Variants in RICTOR observed in about 807,000 individuals in gnomAD.
The protein encoded by RICTOR is rapamycin-insensitive companion of mTOR.
A neutral mutation model predicts 214.9 loss-of-function variants in RICTOR; 49 were observed. The observed-to-expected ratio is 0.23, with a 90% CI of 0.18 to 0.29. RICTOR has a LOEUF of 0.29. Ranked by LOEUF, RICTOR falls within the 10% of genes least tolerant of loss-of-function variation. RICTOR has a pLI of 1.00. For missense variants in RICTOR, 1,625 were observed against 2,047.0 expected, an observed-to-expected ratio of 0.79 and a Z score of 3.98; for synonymous variants, 717 against 711.3, an observed-to-expected ratio of 1.01 and a Z score of -0.13.
chr5:39,036,824 T>C (rs1580159953), intron 2 of RICTOR, among the ~76,000 whole-genome samples: 1 of 152,158 alleles, frequency 6.6e-6, no homozygotes, highest in Admixed American at 6.5e-5. Flanking sequence ...AAGCAAGTCC[T>C]TGGAGACCTA....
intron 3 of RICTOR, among the ~76,000 whole-genome samples, chr5:39,009,288 T>A (rs1385963636): frequency 1.3e-5 from 2 of 152,148 alleles, no homozygotes; most frequent in Non-Finnish European, 2.9e-5. Flanking sequence ...GAGAAAAATA[T>A]ATGACCATTT....
At chr5:39,036,345 C>T (rs1756691487) in intron 2 of RICTOR, among the ~76,000 whole-genome samples, 1 of 152,292 alleles carries the variant, frequency 6.6e-6, no homozygotes, top group Non-Finnish European at 1.5e-5. Context: ...ACAACGGGTA[C>T]CAGCCACTGC....
intron 22 of RICTOR, 145 bp from the exon 23 acceptor site, chr5:38,958,976 G>C: frequency 1.4e-6 from 1 of 692,924 alleles, no homozygotes; most frequent in East Asian, 3.1e-5. Flanking sequence ...ATACTTTTTT[G>C]GTTCTTGTGA....
chr5:39,053,491 C>T (rs570451774), intron 2 of RICTOR, among the ~76,000 whole-genome samples: 1 of 152,206 alleles, frequency 6.6e-6, no homozygotes, highest in Admixed American at 6.5e-5. Context: ...CAAAGGCACA[C>T]GTGCTCATGC....
At chr5:39,040,693 T>G (rs1757102525) in intron 2 of RICTOR, among the ~76,000 whole-genome samples, 1 of 152,012 alleles carries the variant, frequency 6.6e-6, no homozygotes, top group Non-Finnish European at 1.5e-5. Context: ...TTTTATTACT[T>G]ATATAATTTT....
chr5:39,063,104 C>CT (rs1758666045), intron 2 of RICTOR, among the ~76,000 whole-genome samples: 1 of 152,118 alleles, frequency 6.6e-6, no homozygotes, highest in African/African-American at 2.4e-5. Context: ...AACATGCACA[C>CT]TCCCTCCATT....
intron 7 of RICTOR, among the ~76,000 whole-genome samples, chr5:38,985,648 C>A (rs986521709): frequency 6.6e-6 from 1 of 152,072 alleles, no homozygotes; most frequent in Non-Finnish European, 1.5e-5. Flanking sequence ...TCCCCACTGG[C>A]CCCAGTTTTT....
In RICTOR at chr5:38,952,266, T is replaced by A; in HGVS notation, c.3057A>T (p.Pro1019=). The A allele has an allele frequency of 6.2e-7, 1 of 1,613,046 alleles. No homozygotes were observed. Reference sequence around the variant, plus strand: ...ACTCCGAGTTCAAACTTAGAGTGCTTGGGATAGATGAAAGTTCATTACAGA... The same window carrying A: ...ACTCCGAGTTCAAACTTAGAGTGCTAGGGATAGATGAAAGTTCATTACAGA... ...EQLCNELSSI[P]STLSLNSEST... The change falls in exon 30 of 38, where the codon CCA becomes CCT. Residue 1019 remains proline (P), a synonymous_variant. Transcript: ENST00000357387.
intron 2 of RICTOR, among the ~76,000 whole-genome samples, chr5:39,033,137 T>C (rs1206652836): frequency 2.0e-5 from 3 of 152,202 alleles, no homozygotes; most frequent in African/African-American, 7.2e-5. Context: ...ATAAATAATA[T>C]GATCGCCTTA....
chr5:39,014,475 T>C (rs949462218), intron 3 of RICTOR, among the ~76,000 whole-genome samples: 22 of 152,106 alleles, frequency 1.4e-4, no homozygotes, highest in African/African-American at 5.1e-4. Context: ...TTCTGTACCA[T>C]TTTAATTTTT....
At chr5:38,990,677 GAT>G (rs1300984037) in intron 7 of RICTOR, among the ~76,000 whole-genome samples, 1 of 4,942 alleles carries the variant, frequency 2.0e-4, no homozygotes, top group Admixed American at 3.6e-3. Flanking sequence ...ATATATATCA[GAT>G]ATATCATATA....
rs1467871273 is a variant in RICTOR at position 38,971,762 on chromosome 5, G to A, written c.972+115C>T. On this transcript the variant is annotated intron_variant, in intron 11 of 37. Coordinates refer to ENST00000357387, the MANE Select transcript of RICTOR (RefSeq NM_152756.5). ...ATTTACTTCTGTATTTTAAAAATAT[G>A]ATCTAGATTAACAACTAATGAGGAA... 3 of 620,426 alleles carry A rather than the reference G, an allele frequency of 4.8e-6. No homozygotes were observed. The South Asian group carries it at 5.9e-5, about 12-fold the overall frequency. 38.4% of individuals were successfully genotyped at this position (620,426 alleles called of 1,614,324 possible). A position where few individuals can be genotyped will look rare whatever the true frequency, so the allele number is the denominator to read the frequency against.
intron 2 of RICTOR, among the ~76,000 whole-genome samples, chr5:39,038,816 AGG>A (rs1756942394): frequency 6.6e-6 from 1 of 152,174 alleles, no homozygotes. Context: ...GAAATAAAAG[AGG>A]ATACAAACAA....
intron 6 of RICTOR, among the ~76,000 whole-genome samples, chr5:38,994,884 G>A (rs551202081): frequency 1.3e-4 from 20 of 152,288 alleles, no homozygotes; most frequent in African/African-American, 4.6e-4. Context: ...TGCTCAAAGT[G>A]TAGACCAGGA....
chr5:38,946,438 A>G lies in RICTOR; in HGVS notation c.4399+30T>C, dbSNP rs1046338318. 5 of 1,360,696 alleles carry G rather than the reference A, an allele frequency of 3.7e-6. No individual in the cohort carries two copies. In the African/African-American group the frequency reaches 7.2e-5, roughly 19 times the overall value. The allele number at this position is 1,360,696 out of a possible 1,614,324, so 84.3% of individuals were successfully genotyped here. A position where few individuals can be genotyped will look rare whatever the true frequency, so the allele number is the denominator to read the frequency against. On this transcript the variant is annotated intron_variant, in intron 33 of 37. Transcript: ENST00000357387. ...AGTTTTCTTTTTAATATAAAGAGGC[A>G]TCTCACAAGTACAATGCACAATGCA...
chr5:39,060,503 G>A (rs1442115578), intron 2 of RICTOR, among the ~76,000 whole-genome samples: 1 of 151,990 alleles, frequency 6.6e-6, no homozygotes, highest in African/African-American at 2.4e-5. Context: ...CAAAAGAGCG[G>A]TGAGGTATTA....
rs563901674 is a variant in RICTOR, at chr5:38,988,724, TAGAC to T, written c.583+2221_583+2224del. ...CACAAGCATTCCTATACACCAATAA[TAGAC>T]AGAGAGCCAAATCATGAGTGAACTC... On this transcript the variant is annotated intron_variant, in intron 7 of 37. Coordinates refer to ENST00000357387, the MANE Select transcript of RICTOR (RefSeq NM_152756.5). 6.1e-3 allele frequency among the ~76,000 whole-genome samples: 935 copies of T among 152,086 alleles called. 12 individuals carry two copies. The highest frequency in any genetic ancestry group is 0.019 in the African/African-American group (799 of 41,504).
In RICTOR at chr5:38,959,224, G is replaced by C; in HGVS notation, c.2149C>G (p.Leu717Val). The C allele has an allele frequency of 6.3e-7, 1 of 1,598,790 alleles. No homozygotes were observed. Among genetic ancestry groups the C allele is most frequent in the Non-Finnish European group, 8.5e-7 (1 of 1,172,680 alleles). ...GTAGCTGCAGTTAAAATTTTGGAAA[G>C]GATGACTCTAGCCAATCCATCTCTG... Reference protein sequence around the residue: ...YSRDGLARVILSKILTAATDA... With the variant: ...YSRDGLARVIVSKILTAATDA... The change falls in exon 22 of 38, where the codon CTT (leucine) becomes GTT (valine). Residue 717 changes from leucine to valine, a missense_variant. Leu to Val is a conservative substitution (Grantham distance 32, BLOSUM62 1). Coordinates refer to ENST00000357387, the MANE Select transcript of RICTOR (RefSeq NM_152756.5).
chr5:38,973,348 G>A (rs1750942410), intron 10 of RICTOR, among the ~76,000 whole-genome samples: 4 of 152,168 alleles, frequency 2.6e-5, no homozygotes, highest in African/African-American at 9.7e-5. Flanking sequence ...GCAGTGTTCA[G>A]GAGTGAAGAG....
Sources: gnomAD v4.1 joint callset for allele counts (sites outside exome capture counted in the v4.1 genomes callset) on GRCh38, gnomAD v4.1.1 for gene constraint, MANE v1.5 for transcripts, NCBI Gene and HGNC (gene_info 2026-07-23, HGNC 2026-07-21) for gene names.